Variants in ROBO2 observed in about 807,000 individuals in gnomAD.
The protein encoded by ROBO2 is roundabout homolog 2.
ROBO2 carries 53 observed loss-of-function variants against 160.8 expected under a neutral mutation model. The ratio of observed to expected loss-of-function variants is 0.33; its 90% CI spans 0.26 to 0.41. ROBO2 has a LOEUF of 0.41. Ranked by LOEUF, ROBO2 falls within the 10% of genes least tolerant of loss-of-function variation. The pLI is 1.00. For synonymous variants in ROBO2, 664 were observed against 611.7 expected (o/e 1.09, Z -1.26); for missense variants, 1,577 against 1,722.4 (o/e 0.92, Z 1.49).
intron 2 of ROBO2, among the ~76,000 whole-genome samples, chr3:76,986,440 C>T (rs1209300902): frequency 6.6e-6 from 1 of 151,952 alleles, no homozygotes; most frequent in Non-Finnish European, 1.5e-5. Context: ...TTTAGGTAAA[C>T]ACAGGTAACC....
At position 75,982,677 on chromosome 3, in the gene ROBO2, A is replaced by G. The variant is rs1053959565; in HGVS notation, c.109+45075A>G. On this transcript the variant is annotated intron_variant, in intron 2 of 26. Coordinates refer to the ROBO2 transcript ENST00000487694. ...GTGATTTCACATCTTTGTTTTACCT[A>G]ATAAATCACTGCTGTTGTGTTCTTC... 1.5e-4 allele frequency among the ~76,000 whole-genome samples: 23 copies of G among 151,512 alleles called. No homozygotes were observed. The Admixed American group carries it at 1.5e-3, about 10-fold the overall frequency.
chr3:76,514,283 T>A (rs1174089418), intron 2 of ROBO2, among the ~76,000 whole-genome samples: 1 of 152,158 alleles, frequency 6.6e-6, no homozygotes, highest in African/African-American at 2.4e-5. Context: ...TCCCCCCATG[T>A]TACATGTAGT....
intron 2 of ROBO2, among the ~76,000 whole-genome samples, chr3:76,056,700 G>T (rs2107846535): frequency 6.6e-6 from 1 of 152,266 alleles, no homozygotes; most frequent in Admixed American, 6.5e-5. Flanking sequence ...TGATGGGAGG[G>T]TTGCAGATGT....
intron 2 of ROBO2, among the ~76,000 whole-genome samples, chr3:76,991,717 A>G (rs925364271): frequency 6.6e-6 from 1 of 152,218 alleles, no homozygotes; most frequent in Non-Finnish European, 1.5e-5. Context: ...TGTGCATAGC[A>G]TGAATATCCT....
chr3:77,606,366 A>T (rs2094526221), intron 20 of ROBO2, among the ~76,000 whole-genome samples: 1 of 152,208 alleles, frequency 6.6e-6, no homozygotes, highest in Non-Finnish European at 1.5e-5. Context: ...GTAGGCAGTA[A>T]CTATTGAGTA....
At chr3:77,382,409 C>T (rs1004665088) in intron 2 of ROBO2, among the ~76,000 whole-genome samples, 33 of 129,004 alleles carry the variant, frequency 2.6e-4, no homozygotes, top group Non-Finnish European at 4.4e-4. Flanking sequence ...TTTTCTTTTT[C>T]TTCTTCTTTT....
chr3:76,398,145 A>G lies in ROBO2; in HGVS notation c.109+460543A>G, dbSNP rs533690527. Among the ~76,000 whole-genome samples the G allele has an allele frequency of 2.9e-3, 440 of 152,236 alleles. 2 individuals are homozygous for G. Among genetic ancestry groups the G allele is most frequent in the Non-Finnish European group, 5.1e-3 (349 of 68,010 alleles). On this transcript the variant is annotated intron_variant, in intron 2 of 26. Transcript: ENST00000487694. ...ATACAGCATGGAATACTATGCAGCC[A>G]TAAAAAATGATGAGTTCATGTCCTT...
chr3:76,053,804 A>T (rs1292959883), intron 2 of ROBO2, among the ~76,000 whole-genome samples: 1 of 152,062 alleles, frequency 6.6e-6, no homozygotes, highest in African/African-American at 2.4e-5. Context: ...CTTCCTGATG[A>T]TATATCTTCT....
chr3:76,268,507 C>T (rs2107617966), intron 2 of ROBO2, among the ~76,000 whole-genome samples: 1 of 152,078 alleles, frequency 6.6e-6, no homozygotes, highest in East Asian at 1.9e-4. Flanking sequence ...GATGGCCACC[C>T]TCTTGTTGTG....
intron 2 of ROBO2, among the ~76,000 whole-genome samples, chr3:76,338,643 C>T (rs2074034013): frequency 6.6e-6 from 1 of 151,300 alleles, no homozygotes; most frequent in South Asian, 2.1e-4. Context: ...CCCAGTATGC[C>T]CCAGCCTGGG....
At chr3:76,859,725 C>T (rs1417834323) in intron 2 of ROBO2, among the ~76,000 whole-genome samples, 1 of 152,192 alleles carries the variant, frequency 6.6e-6, no homozygotes, top group East Asian at 1.9e-4. Flanking sequence ...TTTTCCCACC[C>T]AGCTGGTGGT....
chr3:76,484,705 AC>A (rs1302812424), intron 2 of ROBO2, among the ~76,000 whole-genome samples: 1 of 152,128 alleles, frequency 6.6e-6, no homozygotes, highest in Non-Finnish European at 1.5e-5. Flanking sequence ...GCTTTATTAT[AC>A]CCAAAATTTT....
rs1310783454 is a variant in ROBO2, at chr3:77,628,397, G to A, written c.3760+5965G>A. ...CTTACTTTTAAATTTGTAGATTAAT[G>A]TTTTTATTTTCATTCATTCATTATC... is the stretch of plus-strand genomic sequence containing the variant. On this transcript the variant is annotated intron_variant, in intron 23 of 25. Transcript: ENST00000461745. Among the ~76,000 whole-genome samples the A allele has an allele frequency of 5.0e-5, 7 of 140,700 alleles. No homozygotes were observed. The East Asian group carries it at 1.6e-3, about 31-fold the overall frequency. 92.3% of individuals were successfully genotyped at this position (140,700 alleles called of 152,430 possible). A position where few individuals can be genotyped will look rare whatever the true frequency, so the allele number is the denominator to read the frequency against.
At chr3:76,585,387 T>C (rs1471091117) in intron 2 of ROBO2, among the ~76,000 whole-genome samples, 1 of 152,220 alleles carries the variant, frequency 6.6e-6, no homozygotes, top group Non-Finnish European at 1.5e-5. Context: ...AGACAATTCA[T>C]CACAATGTGA....
At chr3:75,959,564 T>C (rs1369586922) in intron 2 of ROBO2, among the ~76,000 whole-genome samples, 2 of 151,834 alleles carry the variant, frequency 1.3e-5, no homozygotes, top group Admixed American at 6.6e-5. Context: ...CCACAGTTTC[T>C]TTGCTCTTCA....
chr3:77,584,266 T>C (rs2093987254), intron 16 of ROBO2, among the ~76,000 whole-genome samples: 1 of 152,142 alleles, frequency 6.6e-6, no homozygotes, highest in African/African-American at 2.4e-5. Context: ...TCACACTGTA[T>C]GGATTGCGGT....
intron 2 of ROBO2, among the ~76,000 whole-genome samples, chr3:76,746,426 T>C (rs951675211): frequency 2.6e-5 from 4 of 152,046 alleles, no homozygotes; most frequent in Non-Finnish European, 5.9e-5. Context: ...TCCACAATGG[T>C]TGAACTAGTT....
At chr3:75,912,276 G>A (rs1441843765) in intron 1 of ROBO2, among the ~76,000 whole-genome samples, 4 of 152,162 alleles carry the variant, frequency 2.6e-5, no homozygotes, top group Admixed American at 2.6e-4. Context: ...ACAGTTTTAT[G>A]CTGTCATTCT....
chr3:76,199,758 C>G (rs988725046), intron 2 of ROBO2, among the ~76,000 whole-genome samples: 1 of 152,108 alleles, frequency 6.6e-6, no homozygotes, highest in East Asian at 1.9e-4. Flanking sequence ...CCAGAGAAAG[C>G]CAAATATGCG....
Sources: gnomAD v4.1 joint callset for allele counts (sites outside exome capture counted in the v4.1 genomes callset) on GRCh38, gnomAD v4.1.1 for gene constraint, MANE v1.5 for transcripts, NCBI Gene and HGNC (gene_info 2026-07-23, HGNC 2026-07-21) for gene names.